NFE2L2: variants seen among roughly 807,000 people sequenced by gnomAD.
NFE2L2 encodes the protein nuclear factor erythroid 2-related factor 2.
NFE2L2 carries 20 observed loss-of-function variants against 49.6 expected under a neutral mutation model. The observed-to-expected ratio is 0.40, with a 90% CI of 0.28 to 0.59. The LOEUF is 0.59. NFE2L2 is among the 20% of genes least tolerant of loss of function. NFE2L2 has a pLI of 0.40. For missense variants in NFE2L2, 578 were observed against 714.2 expected, an observed-to-expected ratio of 0.81 and a Z score of 2.17; for synonymous variants, 244 against 256.5, an observed-to-expected ratio of 0.95 and a Z score of 0.47.
At chr2:177,247,495 A>G (rs1011083829) in intron 1 of NFE2L2, among the ~76,000 whole-genome samples, 2 of 152,040 alleles carry the variant, frequency 1.3e-5, no homozygotes, top group African/African-American at 4.8e-5. Context: ...CCCTGTCTCT[A>G]CTAAAAATAC....
At chr2:177,232,109 T>C in intron 4 of NFE2L2, 101 bp from the exon 5 acceptor site, 1 of 1,151,632 alleles carries the variant, frequency 8.7e-7, no homozygotes, top group South Asian at 1.6e-5. Flanking sequence ...TTCAGGCTTA[T>C]CTCTATAATT....
intron 1 of NFE2L2, among the ~76,000 whole-genome samples, chr2:177,235,490 A>G (rs995826066): frequency 7.2e-5 from 11 of 152,138 alleles, no homozygotes; most frequent in South Asian, 4.2e-4. Context: ...GATTAAAGGT[A>G]TTAAGTTTTA....
Position 177,230,350 on chromosome 2 carries a change from A to AT in NFE2L2, c.*434dup, listed in dbSNP as rs3082500. The AT allele has an allele frequency of 8.4e-3, 1,704 of 201,660 alleles. 4 individuals are homozygous for AT. Among genetic ancestry groups the AT allele is most frequent in the East Asian group, 0.027 (344 of 12,688 alleles). The allele number at this position is 201,660 out of a possible 1,614,324, so 12.5% of individuals were successfully genotyped here. ...TCCTTTATTAGTACCAGCTCTTAAAATTTTTTTTTTTTGCCAGAGCTAAAC... is the reference window on the plus strand; with the variant it reads ...TCCTTTATTAGTACCAGCTCTTAAAATTTTTTTTTTTTTGCCAGAGCTAAAC... On this transcript the variant is annotated 3_prime_UTR_variant, in exon 5 of 5. Coordinates refer to ENST00000397062, the MANE Select transcript of NFE2L2 (RefSeq NM_006164.5).
rs1689540137 is a variant in NFE2L2 at position 177,231,331 on chromosome 2, G to A, written c.1272C>T (p.Asn424=). ...TTACAGGCAATTCTTTCTCTGGTGTGTTCTCACATTGGGCATCATGCACGT... is the reference window on the plus strand; with the variant it reads ...TTACAGGCAATTCTTTCTCTGGTGTATTCTCACATTGGGCATCATGCACGT... ...STHVHDAQCE[N]TPEKELPVSP... The change falls in exon 5 of 5, where the codon AAC becomes AAT. Residue 424 remains asparagine, a synonymous_variant. Coordinates refer to ENST00000397062, the MANE Select transcript of NFE2L2 (RefSeq NM_006164.5). The A allele has an allele frequency of 1.2e-6, 2 of 1,614,250 alleles. No homozygotes were observed. Among genetic ancestry groups the A allele is most frequent in the Non-Finnish European group, 1.7e-6 (2 of 1,180,044 alleles).
intron 1 of NFE2L2, among the ~76,000 whole-genome samples, chr2:177,248,401 A>C (rs935862790): frequency 1.3e-5 from 2 of 151,748 alleles, no homozygotes; most frequent in African/African-American, 4.8e-5. Context: ...CCAATGTCTG[A>C]CCTGTACTCT....
Position 177,237,910 on chromosome 2 carries a change from A to C in NFE2L2, c.46-3639T>G, listed in dbSNP as rs1574264084. ...AGGGTATCCTGTCTAGACTTTCTGC[A>C]AACTGGAGCTATCTGCCCAAGCAAG... is the stretch of plus-strand genomic sequence containing the variant. On this transcript the variant is annotated intron_variant, in intron 1 of 4. Transcript: ENST00000397062. 2.6e-5 allele frequency among the ~76,000 whole-genome samples: 4 copies of C among 152,332 alleles called. No individual in the cohort carries two copies. The Middle Eastern group carries it at 0.01, about 389-fold the overall frequency.
At chr2:177,251,385 G>A (rs1048367150) in intron 1 of NFE2L2, among the ~76,000 whole-genome samples, 1 of 152,136 alleles carries the variant, frequency 6.6e-6, no homozygotes, top group Non-Finnish European at 1.5e-5. Context: ...TGGACACTGG[G>A]TTTCTAGGCC....
intron 1 of NFE2L2, among the ~76,000 whole-genome samples, chr2:177,250,405 G>C (rs1690293017): frequency 1.3e-5 from 2 of 152,180 alleles, no homozygotes; most frequent in South Asian, 4.1e-4. Context: ...ATTAAGATCT[G>C]AGAATGAAAG....
At chr2:177,252,512 T>C (rs963891983) in intron 1 of NFE2L2, among the ~76,000 whole-genome samples, 1 of 152,170 alleles carries the variant, frequency 6.6e-6, no homozygotes, top group African/African-American at 2.4e-5. Flanking sequence ...TTACTAAAAA[T>C]AGTAAATCAA....
intron 1 of NFE2L2, among the ~76,000 whole-genome samples, chr2:177,243,486 G>A (rs1451233071): frequency 6.6e-6 from 1 of 152,106 alleles, no homozygotes; most frequent in African/African-American, 2.4e-5. Flanking sequence ...AAAGATAAAT[G>A]TAAAGATAAA....
chr2:177,244,056 T>C (rs1690033911), intron 1 of NFE2L2, among the ~76,000 whole-genome samples: 1 of 150,344 alleles, frequency 6.7e-6, no homozygotes, highest in African/African-American at 2.4e-5. Flanking sequence ...ATCCCAGCAC[T>C]TTAGGAGGCT....
At chr2:177,240,404 C>G (rs928376264) in intron 1 of NFE2L2, among the ~76,000 whole-genome samples, 1 of 152,142 alleles carries the variant, frequency 6.6e-6, no homozygotes. Flanking sequence ...AAGGGCCATG[C>G]GAGCACTGGC....
At chr2:177,240,409 A>G (rs1412106619) in intron 1 of NFE2L2, among the ~76,000 whole-genome samples, 3 of 152,194 alleles carry the variant, frequency 2.0e-5, no homozygotes, top group African/African-American at 7.2e-5. Context: ...CCATGCGAGC[A>G]CTGGCCAGGA....
chr2:177,256,995 G>A (rs1690550144), intron 1 of NFE2L2, among the ~76,000 whole-genome samples: 1 of 152,216 alleles, frequency 6.6e-6, no homozygotes, highest in Non-Finnish European at 1.5e-5. Context: ...CCACACACAA[G>A]TTGCCAACAG....
chr2:177,263,622 C>G (rs1690824171), intron 1 of NFE2L2: 1 of 985,320 alleles, frequency 1.0e-6, no homozygotes, highest in South Asian at 4.7e-5. Flanking sequence ...AGCGCTGTCA[C>G]GGAAGCCAAG....
intron 1 of NFE2L2, among the ~76,000 whole-genome samples, chr2:177,241,750 G>A (rs915300418): frequency 6.6e-5 from 10 of 152,280 alleles, no homozygotes; most frequent in African/African-American, 2.4e-4. Context: ...AGCTACTTGG[G>A]AAACTGATGT....
At chr2:177,260,895 G>A (rs7593592) in intron 1 of NFE2L2, among the ~76,000 whole-genome samples, 2,577 of 152,146 alleles carry the variant, frequency 0.017, 64 homozygotes, top group African/African-American at 0.055. Flanking sequence ...AAACAGACTG[G>A]CGCAGTGGCT....
intron 1 of NFE2L2, among the ~76,000 whole-genome samples, chr2:177,250,627 G>C (rs1025332991): frequency 6.6e-6 from 1 of 152,210 alleles, no homozygotes; most frequent in Admixed American, 6.5e-5. Flanking sequence ...AAAACAGAGA[G>C]GTTAAGTACT....
intron 1 of NFE2L2, among the ~76,000 whole-genome samples, chr2:177,258,428 C>G (rs1406007663): frequency 1.3e-5 from 2 of 152,020 alleles, no homozygotes; most frequent in Admixed American, 6.6e-5. Flanking sequence ...TGAGTAGTTA[C>G]CAGGGGCCAG....
Sources: allele counts gnomAD v4.1 joint callset (sites outside exome capture counted in the v4.1 genomes callset), GRCh38; gene constraint gnomAD v4.1.1; transcripts MANE v1.5; gene names NCBI Gene and HGNC (gene_info 2026-07-23, HGNC 2026-07-21).